HFM1: variants seen among roughly 807,000 people sequenced by gnomAD.
The protein encoded by HFM1 is helicase for meiosis 1, also known as probable ATP-dependent DNA helicase HFM1.
In HFM1, 169 loss-of-function variants were observed where a neutral mutation model predicts 192.1. That is an observed-to-expected ratio of 0.88 (90% confidence interval 0.78 to 1.00). HFM1 has a LOEUF of 1.00. Ranked by LOEUF, HFM1 falls within the 50% of genes least tolerant of loss-of-function variation. The pLI is 0.00. For missense variants in HFM1, 1,661 were observed against 1,668.0 expected (o/e 1.00, Z 0.07); for synonymous variants, 525 against 537.8 (o/e 0.98, Z 0.33).
chr1:91,337,226 A>C (rs12060327), intron 20 of HFM1, among the ~76,000 whole-genome samples: 30,681 of 152,146 alleles, frequency 0.2, 3,511 homozygotes, highest in Non-Finnish European at 0.26. Context: ...ATACCAGAAC[A>C]GTTGAAGCGG....
chr1:91,400,383 A>G (rs1259707701), intron 2 of HFM1, among the ~76,000 whole-genome samples: 2 of 152,082 alleles, frequency 1.3e-5, no homozygotes, highest in Non-Finnish European at 2.9e-5. Context: ...CCTTGTCCTG[A>G]GCTACTCTTT....
intron 13 of HFM1, among the ~76,000 whole-genome samples, chr1:91,372,034 T>C (rs944992792): frequency 1.1e-4 from 17 of 152,168 alleles, no homozygotes; most frequent in African/African-American, 4.1e-4. Flanking sequence ...AAAACCACAA[T>C]GAGATACCAT....
chr1:91,377,009 G>C (rs1220147770), intron 11 of HFM1, among the ~76,000 whole-genome samples: 1 of 151,468 alleles, frequency 6.6e-6, no homozygotes, highest in African/African-American at 2.4e-5. Flanking sequence ...CATTGTTATA[G>C]TGTTTGATAA....
At chr1:91,318,435 G>C (rs2101222763) in intron 25 of HFM1, among the ~76,000 whole-genome samples, 1 of 152,278 alleles carries the variant, frequency 6.6e-6, no homozygotes, top group Non-Finnish European at 1.5e-5. Context: ...TGATGAGATA[G>C]TAACTCTCTT....
At chr1:91,390,141 A>G (rs1347090296) in intron 4 of HFM1, among the ~76,000 whole-genome samples, 1 of 152,200 alleles carries the variant, frequency 6.6e-6, no homozygotes, top group Non-Finnish European at 1.5e-5. Flanking sequence ...TTGGCCATTA[A>G]AACAAAATGA....
intron 13 of HFM1, among the ~76,000 whole-genome samples, chr1:91,354,284 G>C (rs928109968): frequency 6.6e-6 from 1 of 151,380 alleles, no homozygotes; most frequent in East Asian, 1.9e-4. Flanking sequence ...CCTAGTCAGA[G>C]GGAAAAAAAA....
chr1:91,281,820 G>A (rs1459531505), intron 30 of HFM1, among the ~76,000 whole-genome samples: 1 of 152,150 alleles, frequency 6.6e-6, no homozygotes, highest in Non-Finnish European at 1.5e-5. Context: ...TCGAACTCTT[G>A]GGCGCACGCA....
chr1:91,328,380 C>T, intron 20 of HFM1: 1 of 1,576,810 alleles, frequency 6.3e-7, no homozygotes, highest in East Asian at 2.2e-5. Context: ...TCTGTGTTGC[C>T]ATGGGTATTC....
intron 13 of HFM1, among the ~76,000 whole-genome samples, chr1:91,364,096 T>C (rs574232682): frequency 2.0e-5 from 3 of 152,120 alleles, no homozygotes; most frequent in African/African-American, 7.2e-5. Flanking sequence ...ACCTAGGTTA[T>C]GCGATGATTT....
intron 13 of HFM1, among the ~76,000 whole-genome samples, chr1:91,354,520 A>T (rs1390683694): frequency 6.6e-6 from 1 of 152,076 alleles, no homozygotes; most frequent in Admixed American, 6.6e-5. Context: ...CAAACCCAAA[A>T]AGGTCCTCAC....
chr1:91,336,411 A>T (rs1330620697), intron 20 of HFM1, among the ~76,000 whole-genome samples: 1 of 143,306 alleles, frequency 7.0e-6, no homozygotes. Flanking sequence ...CCTTACCTCC[A>T]TCCCTTCTTT....
chr1:91,338,995 G>A (rs955613888), intron 20 of HFM1: 10 of 455,664 alleles, frequency 2.2e-5, no homozygotes, highest in Non-Finnish European at 4.4e-5. Context: ...ATGCAGCCCA[G>A]GAGCACTGAG....
At chr1:91,331,538 A>G (rs1350819210) in intron 20 of HFM1, among the ~76,000 whole-genome samples, 1 of 152,210 alleles carries the variant, frequency 6.6e-6, no homozygotes, top group Non-Finnish European at 1.5e-5. Context: ...CATTTATAAT[A>G]GCCACAATTA....
chr1:91,270,718 T>G (rs1162568287), intron 34 of HFM1, among the ~76,000 whole-genome samples: 1 of 152,080 alleles, frequency 6.6e-6, no homozygotes, highest in Admixed American at 6.6e-5. Flanking sequence ...AGACCAGTAG[T>G]ATCAAATACT....
At chr1:91,377,660 T>C (rs1394158693) in intron 11 of HFM1, 4 of 212,218 alleles carry the variant, frequency 1.9e-5, no homozygotes, top group Admixed American at 6.1e-5. Flanking sequence ...CAAGTGGTAA[T>C]CATCTAAGCA....
At chr1:91,359,992 G>A (rs1464211135) in intron 13 of HFM1, among the ~76,000 whole-genome samples, 1 of 152,118 alleles carries the variant, frequency 6.6e-6, no homozygotes, top group African/African-American at 2.4e-5. Context: ...AAAAATTTCT[G>A]ACCCAGAATT....
chr1:91,392,842 T>C (rs1308005779), intron 4 of HFM1, among the ~76,000 whole-genome samples: 2 of 152,320 alleles, frequency 1.3e-5, no homozygotes, highest in East Asian at 1.9e-4. Context: ...ATTGCACTTA[T>C]ATGAAATGTT....
chr1:91,328,855 G>T, intron 20 of HFM1: 1 of 1,611,160 alleles, frequency 6.2e-7, no homozygotes. Flanking sequence ...CACCCATCGA[G>T]GCAGAGGCCA....
intron 2 of HFM1, among the ~76,000 whole-genome samples, chr1:91,396,983 A>G (rs961492479): frequency 6.6e-6 from 1 of 152,172 alleles, no homozygotes; most frequent in Non-Finnish European, 1.5e-5. Context: ...TGCGAGCCCT[A>G]TCATGAACTG....
Sources: gnomAD v4.1 joint callset for allele counts (sites outside exome capture counted in the v4.1 genomes callset) on GRCh38, gnomAD v4.1.1 for gene constraint, MANE v1.5 for transcripts, NCBI Gene and HGNC (gene_info 2026-07-23, HGNC 2026-07-21) for gene names.